CDK6: variants seen among roughly 807,000 people sequenced by gnomAD.
CDK6 encodes the protein cyclin dependent kinase 6.
CDK6 carries 6 observed loss-of-function variants against 37.1 expected under a neutral mutation model. The ratio of observed to expected loss-of-function variants is 0.16; its 90% CI spans 0.09 to 0.32. CDK6 has a LOEUF of 0.32. Among genes scored for constraint, CDK6 ranks in the 10% least tolerant of loss-of-function variants. The pLI, the probability that CDK6 is intolerant of heterozygous loss-of-function variation, is 1.00. For missense variants in CDK6, 224 were observed against 418.9 expected (o/e 0.53, Z 4.06); for synonymous variants, 160 against 161.3 (o/e 0.99, Z 0.06).
intron 4 of CDK6, among the ~76,000 whole-genome samples, chr7:92,720,430 C>A (rs940799283): frequency 3.3e-5 from 5 of 152,180 alleles, no homozygotes; most frequent in African/African-American, 7.2e-5. Context: ...GCTGGTCACA[C>A]TGCCTGTTTG....
intron 5 of CDK6, among the ~76,000 whole-genome samples, chr7:92,666,380 A>C (rs1035919226): frequency 6.6e-6 from 1 of 152,188 alleles, no homozygotes; most frequent in African/African-American, 2.4e-5. Flanking sequence ...GTCACTCCAT[A>C]AGTTAATTGT....
At chr7:92,685,966 T>C (rs935681863) in intron 4 of CDK6, among the ~76,000 whole-genome samples, 4 of 152,176 alleles carry the variant, frequency 2.6e-5, no homozygotes, top group Non-Finnish European at 4.4e-5. Flanking sequence ...GCCACTCTCC[T>C]TTGTTTGACT....
At chr7:92,629,507 A>C (rs1250887162) in intron 5 of CDK6, among the ~76,000 whole-genome samples, 1 of 152,140 alleles carries the variant, frequency 6.6e-6, no homozygotes, top group East Asian at 1.9e-4. Flanking sequence ...AAACTACTTC[A>C]GATTTCTGAA....
chr7:92,712,104 G>A (rs1375737793), intron 4 of CDK6, among the ~76,000 whole-genome samples: 1 of 151,378 alleles, frequency 6.6e-6, no homozygotes, highest in African/African-American at 2.4e-5. Context: ...AGCTTGCAGT[G>A]AGCCGAGAGA....
intron 6 of CDK6, 44 bp from the exon 7 acceptor site, chr7:92,618,251 A>C: frequency 6.2e-7 from 1 of 1,600,980 alleles, no homozygotes. Flanking sequence ...GCTACTATGC[A>C]GAAGCTGTTT....
chr7:92,627,991 G>A (rs551962162), intron 5 of CDK6, among the ~76,000 whole-genome samples: 14 of 151,934 alleles, frequency 9.2e-5, no homozygotes, highest in Non-Finnish European at 1.9e-4. Flanking sequence ...TTAAGCATGC[G>A]GTATTAAAGT....
chr7:92,683,137 GA>G (rs112073889), intron 4 of CDK6, among the ~76,000 whole-genome samples: 20 of 152,052 alleles, frequency 1.3e-4, no homozygotes, highest in African/African-American at 4.8e-4. Flanking sequence ...AAGTAGAAAT[GA>G]AAATTATTCT....
intron 4 of CDK6, among the ~76,000 whole-genome samples, chr7:92,694,189 G>C (rs761157179): frequency 6.6e-6 from 1 of 152,118 alleles, no homozygotes; most frequent in Non-Finnish European, 1.5e-5. Flanking sequence ...TTTATATCCA[G>C]ATATACCTCT....
intron 3 of CDK6, among the ~76,000 whole-genome samples, chr7:92,766,294 T>C (rs545699749): frequency 2.7e-4 from 41 of 152,244 alleles, no homozygotes; most frequent in Admixed American, 8.5e-4. Context: ...TATTGAGAAG[T>C]AGTCAGATTG....
intron 2 of CDK6, among the ~76,000 whole-genome samples, chr7:92,818,938 G>C (rs1383816853): frequency 1.3e-5 from 2 of 152,142 alleles, no homozygotes; most frequent in South Asian, 4.1e-4. Flanking sequence ...GTTCAGGAGG[G>C]TGCAAATCAA....
At position 92,835,265 on chromosome 7, in the gene CDK6, C is replaced by G. The variant is rs1801626214; in HGVS notation, c.-368+1213G>C. The G allele has an allele frequency of 6.5e-6, 1 of 153,326 alleles. No individual in the cohort carries two copies. Among genetic ancestry groups the G allele is most frequent in the Non-Finnish European group, 1.4e-5 (1 of 69,054 alleles). 9.5% of individuals were successfully genotyped at this position (153,326 alleles called of 1,614,324 possible). On this transcript the variant is annotated intron_variant, in intron 1 of 7. Transcript: ENST00000424848. The surrounding 1 kb of genome is among the most constrained non-coding windows in gnomAD (Gnocchi z 4.2). ...CCGCCGGCCGCCCAACCCGCCTGTC[C>G]TGCATCCCCCCAACCCCCTCCCGCT...
intron 5 of CDK6, among the ~76,000 whole-genome samples, chr7:92,623,514 G>A (rs1795851582): frequency 6.6e-6 from 1 of 151,966 alleles, no homozygotes; most frequent in African/African-American, 2.4e-5. Context: ...CTTCCTCATG[G>A]GTCTCTCTCC....
chr7:92,700,803 C>T (rs1235815833), intron 4 of CDK6, among the ~76,000 whole-genome samples: 1 of 152,170 alleles, frequency 6.6e-6, no homozygotes, highest in Admixed American at 6.5e-5. Context: ...CAGGATACCA[C>T]GATGTCACAG....
At chr7:92,830,406 A>G (rs1157250209) in intron 2 of CDK6, among the ~76,000 whole-genome samples, 1 of 152,232 alleles carries the variant, frequency 6.6e-6, no homozygotes, top group Non-Finnish European at 1.5e-5. Context: ...GGGAGGGCCT[A>G]TAATTATGAT....
chr7:92,815,766 T>A (rs1801013505), intron 2 of CDK6, among the ~76,000 whole-genome samples: 1 of 152,162 alleles, frequency 6.6e-6, no homozygotes, highest in Non-Finnish European at 1.5e-5. Context: ...GAAATCTACA[T>A]GGGGTCTATT....
chr7:92,623,959 G>C (rs1200550844), intron 5 of CDK6, among the ~76,000 whole-genome samples: 3 of 152,086 alleles, frequency 2.0e-5, no homozygotes, highest in Non-Finnish European at 2.9e-5. Context: ...TACTAAAATA[G>C]TTGTAGTCTA....
At chr7:92,831,851 T>TA (rs900805247) in intron 2 of CDK6, among the ~76,000 whole-genome samples, 3 of 152,190 alleles carry the variant, frequency 2.0e-5, no homozygotes, top group African/African-American at 7.2e-5. Context: ...ATTCTGTAGA[T>TA]ATTTGGTCTC....
chr7:92,739,131 G>A (rs1279423111), intron 3 of CDK6, among the ~76,000 whole-genome samples: 1 of 152,064 alleles, frequency 6.6e-6, no homozygotes, highest in Admixed American at 6.5e-5. Context: ...TGTCTATAAT[G>A]GCTACCAAAA....
intron 2 of CDK6, among the ~76,000 whole-genome samples, chr7:92,789,790 CTCA>C (rs1562965909): frequency 1.3e-5 from 2 of 152,118 alleles, no homozygotes. Flanking sequence ...TACTATTACT[CTCA>C]TTTTACAGAT....
Sources: allele counts gnomAD v4.1 joint callset (sites outside exome capture counted in the v4.1 genomes callset), GRCh38; gene constraint gnomAD v4.1.1; non-coding constraint Gnocchi (gnomAD v3.1); transcripts MANE v1.5; gene names NCBI Gene and HGNC (gene_info 2026-07-23, HGNC 2026-07-21).